Variants in CNTLN observed in about 807,000 individuals in gnomAD.
CNTLN encodes centlein.
Under a neutral mutation model 180.0 loss-of-function variants are expected in CNTLN, and 212 were observed. The observed-to-expected ratio is 1.18, with a 90% CI of 1.05 to 1.32. The LOEUF is 1.32. Among genes scored for constraint, CNTLN ranks in the 40% most tolerant of loss-of-function variants. The pLI is 0.00. For missense variants in CNTLN, 2,095 were observed against 1,610.9 expected, an observed-to-expected ratio of 1.30 and a Z score of -5.14; for synonymous variants, 722 against 563.1, an observed-to-expected ratio of 1.28 and a Z score of -3.99.
In CNTLN at chr9:17,193,314, C is replaced by T. The variant is rs188616140; in HGVS notation, c.450-32889C>T. Among the ~76,000 whole-genome samples, 325 of 152,264 alleles carry T rather than the reference C, an allele frequency of 2.1e-3. 4 individuals carry two copies. Among genetic ancestry groups the T allele is most frequent in the African/African-American group, 7.5e-3 (311 of 41,548 alleles). Reference sequence around the variant, plus strand: ...AACCCAAAAGTCCACAGTCCAAAGTCTCATCTGAGACAAGACAAATCCCTT... The same window carrying T: ...AACCCAAAAGTCCACAGTCCAAAGTTTCATCTGAGACAAGACAAATCCCTT... On this transcript the variant is annotated intron_variant, in intron 2 of 25. Coordinates refer to ENST00000380647, the MANE Select transcript of CNTLN (RefSeq NM_017738.4).
rs574357100 is a variant in CNTLN at position 17,493,240 on chromosome 9, C to T, written c.4119+6174C>T. ...TCAAATGATAAAATGTTTATCATTT[C>T]TATAACATAAAACAATTTTTAAAAA... On this transcript the variant is annotated intron_variant, in intron 25 of 25. Coordinates refer to ENST00000380647, the MANE Select transcript of CNTLN (RefSeq NM_017738.4). Among the ~76,000 whole-genome samples the T allele has an allele frequency of 1.7e-4, 26 of 152,150 alleles. No homozygotes were observed. The South Asian group carries it at 2.1e-3, about 12-fold the overall frequency.
chr9:17,219,264 T>G (rs2132035943), intron 2 of CNTLN, among the ~76,000 whole-genome samples: 1 of 152,122 alleles, frequency 6.6e-6, no homozygotes, highest in East Asian at 1.9e-4. Flanking sequence ...AACCTTTTTT[T>G]TTTTAGGTCT....
intron 14 of CNTLN, among the ~76,000 whole-genome samples, chr9:17,394,023 C>G (rs1278471592): frequency 3.3e-5 from 5 of 151,906 alleles, no homozygotes; most frequent in African/African-American, 1.2e-4. Context: ...GTAAACTGTT[C>G]CCTTATCACA....
chr9:17,305,154 G>A (rs1780467054), intron 7 of CNTLN, among the ~76,000 whole-genome samples: 1 of 152,002 alleles, frequency 6.6e-6, no homozygotes, highest in African/African-American at 2.4e-5. Flanking sequence ...GGAGGTTGAG[G>A]TCTTATTTCT....
chr9:17,278,737 A>G (rs966289827), intron 6 of CNTLN, among the ~76,000 whole-genome samples: 1 of 152,192 alleles, frequency 6.6e-6, no homozygotes, highest in Non-Finnish European at 1.5e-5. Context: ...AAATACATGC[A>G]GTACAGAAAA....
At chr9:17,254,946 C>T (rs1236706935) in intron 5 of CNTLN, among the ~76,000 whole-genome samples, 3 of 151,678 alleles carry the variant, frequency 2.0e-5, no homozygotes, top group Non-Finnish European at 4.4e-5. Flanking sequence ...TTATTTGTGT[C>T]CTCTATAATT....
chr9:17,450,466 A>G (rs572596095), intron 18 of CNTLN, among the ~76,000 whole-genome samples: 10 of 152,354 alleles, frequency 6.6e-5, no homozygotes, highest in African/African-American at 2.4e-4. Flanking sequence ...ATGAAATGTT[A>G]ATTTAACTTT....
chr9:17,371,907 C>A (rs1199725231), intron 13 of CNTLN, among the ~76,000 whole-genome samples: 4 of 152,038 alleles, frequency 2.6e-5, no homozygotes, highest in Non-Finnish European at 5.9e-5. Context: ...TTAAAAATTT[C>A]TTGAAACAAA....
chr9:17,478,768 C>T (rs1221544079), intron 23 of CNTLN, among the ~76,000 whole-genome samples: 2 of 152,102 alleles, frequency 1.3e-5, no homozygotes, highest in African/African-American at 4.8e-5. Context: ...CGTTATATAT[C>T]ACCCTGTCGA....
At chr9:17,382,721 C>G (rs1028480291) in intron 13 of CNTLN, among the ~76,000 whole-genome samples, 9 of 152,114 alleles carry the variant, frequency 5.9e-5, no homozygotes, top group African/African-American at 2.2e-4. Context: ...CAATTGCTAT[C>G]CAATCTAGCA....
intron 10 of CNTLN, among the ~76,000 whole-genome samples, chr9:17,339,216 G>A (rs1446024593): frequency 6.6e-6 from 1 of 152,154 alleles, no homozygotes; most frequent in African/African-American, 2.4e-5. Flanking sequence ...TATAGTGAAA[G>A]TAGAATGACA....
intron 8 of CNTLN, among the ~76,000 whole-genome samples, chr9:17,315,200 T>G (rs921938721): frequency 6.6e-6 from 1 of 152,134 alleles, no homozygotes; most frequent in Non-Finnish European, 1.5e-5. Context: ...TCATTTTGTA[T>G]TTTTTGGATA....
At chr9:17,171,006 C>G (rs956176416) in intron 2 of CNTLN, among the ~76,000 whole-genome samples, 2 of 152,086 alleles carry the variant, frequency 1.3e-5, no homozygotes, top group African/African-American at 4.8e-5. Flanking sequence ...GTGTAGTAGT[C>G]TATATCATTT....
chr9:17,153,798 A>T (rs1382068165), intron 2 of CNTLN, among the ~76,000 whole-genome samples: 1 of 152,178 alleles, frequency 6.6e-6, no homozygotes, highest in Non-Finnish European at 1.5e-5. Context: ...CACCAATCAA[A>T]TGTAGACTTG....
At chr9:17,450,557 G>T (rs1236019877) in intron 18 of CNTLN, among the ~76,000 whole-genome samples, 1 of 152,156 alleles carries the variant, frequency 6.6e-6, no homozygotes, top group Non-Finnish European at 1.5e-5. Flanking sequence ...AAATAGTGTT[G>T]CTGGAATAAA....
At position 17,175,274 on chromosome 9, in the gene CNTLN, T is replaced by G. The variant is rs186317380; in HGVS notation, c.449+31898T>G. Among the ~76,000 whole-genome samples, 163 of 152,296 alleles carry G rather than the reference T, an allele frequency of 1.1e-3. 2 individuals carry two copies. Among genetic ancestry groups the G allele is most frequent in the African/African-American group, 3.8e-3 (156 of 41,578 alleles). ...TTCCTAAAAGTTTTATAGTTTTATG[T>G]TTTGTACTTAAGTTCACAATCCATT... On this transcript the variant is annotated intron_variant, in intron 2 of 25. Transcript: ENST00000380647.
intron 2 of CNTLN, among the ~76,000 whole-genome samples, chr9:17,183,853 G>A (rs1318281583): frequency 6.6e-6 from 1 of 151,968 alleles, no homozygotes; most frequent in Non-Finnish European, 1.5e-5. Context: ...GCATAGTAAA[G>A]ATAGTATTAT....
chr9:17,299,387 G>C, intron 7 of CNTLN: 2 of 891,834 alleles, frequency 2.2e-6, no homozygotes, highest in South Asian at 5.2e-5. Context: ...GGCTTAGAGA[G>C]GTTAAATAAT....
Position 17,366,680 on chromosome 9 carries a change from A to C in CNTLN, c.1950A>C (p.Ile650=). ...ATATATCTATTGATAAGGCAGCAAT[A>C]CAAGAATTGAATAGATGTGTGGCAG... ...KVHISIDKAA[I]QELNRCVAER... The change falls in exon 13 of 26, where the codon ATA becomes ATC. Residue 650 remains isoleucine (I), a synonymous_variant. Coordinates refer to ENST00000380647, the MANE Select transcript of CNTLN (RefSeq NM_017738.4). The C allele has an allele frequency of 2.5e-6, 4 of 1,588,554 alleles. No homozygotes were observed. The highest frequency in any genetic ancestry group is 3.4e-6 in the Non-Finnish European group (4 of 1,162,966).
Sources: allele counts gnomAD v4.1 joint callset (sites outside exome capture counted in the v4.1 genomes callset), GRCh38; gene constraint gnomAD v4.1.1; transcripts MANE v1.5; gene names NCBI Gene and HGNC (gene_info 2026-07-23, HGNC 2026-07-21).